Variants in NBEA observed in about 807,000 individuals in gnomAD.
NBEA encodes the protein neurobeachin.
Under a neutral mutation model 343.4 loss-of-function variants are expected in NBEA, and 44 were observed. The ratio of observed to expected loss-of-function variants is 0.13; its 90% CI spans 0.10 to 0.16. The LOEUF is 0.16. Among genes scored for constraint, NBEA ranks in the 10% least tolerant of loss-of-function variants. The pLI is 1.00. For synonymous variants in NBEA, 1,175 were observed against 1,238.7 expected, an observed-to-expected ratio of 0.95 and a Z score of 1.08; for missense variants, 2,555 against 3,631.3, an observed-to-expected ratio of 0.70 and a Z score of 7.62.
intron 38 of NBEA, among the ~76,000 whole-genome samples, chr13:35,394,356 T>G (rs935084179): frequency 6.6e-6 from 1 of 152,250 alleles, no homozygotes; most frequent in African/African-American, 2.4e-5. Context: ...TTTTCCCTCT[T>G]GCCTTTTTTC....
At chr13:35,012,332 G>C (rs1195144020) in intron 1 of NBEA, among the ~76,000 whole-genome samples, 1 of 152,130 alleles carries the variant, frequency 6.6e-6, no homozygotes, top group Non-Finnish European at 1.5e-5. Flanking sequence ...CTGATAAGGA[G>C]CCCTCTCACA....
chr13:35,651,037 A>G (rs866957306), intron 52 of NBEA, among the ~76,000 whole-genome samples: 1 of 152,226 alleles, frequency 6.6e-6, no homozygotes, highest in Non-Finnish European at 1.5e-5. Flanking sequence ...TAGGCAGCAC[A>G]TATCTTAAGG....
intron 35 of NBEA, among the ~76,000 whole-genome samples, chr13:35,301,409 A>T (rs1367506451): frequency 6.6e-6 from 1 of 150,894 alleles, no homozygotes; most frequent in Admixed American, 6.6e-5. Context: ...TCATTGTTCA[A>T]CTCCCACTTA....
intron 35 of NBEA, among the ~76,000 whole-genome samples, chr13:35,303,275 A>G (rs764226290): frequency 5.9e-5 from 9 of 152,166 alleles, no homozygotes; most frequent in African/African-American, 1.7e-4. Context: ...TAGTAGTATT[A>G]TTTTAAGAGG....
At chr13:35,276,661 A>G (rs1406061705) in intron 34 of NBEA, among the ~76,000 whole-genome samples, 1 of 152,208 alleles carries the variant, frequency 6.6e-6, no homozygotes, top group Non-Finnish European at 1.5e-5. Flanking sequence ...TTGGGAAAAA[A>G]CTAAATTGGG....
In NBEA at chr13:35,109,457, C is replaced by G. The variant is rs561155985; in HGVS notation, c.1833+15C>G. 5.1e-6 allele frequency: 8 copies of G among 1,582,736 alleles called. No individual in the cohort carries two copies. In the African/African-American group the frequency reaches 6.8e-5, roughly 13 times the overall value. ...CACCTGCAAAGGTATGAATTTTATA[C>G]TTATTCAGTTTGATTTAGTGTAATG... On this transcript the variant is annotated intron_variant, in intron 12 of 58. Coordinates refer to ENST00000379939, the MANE Select transcript of NBEA (RefSeq NM_001385012.1).
intron 51 of NBEA, among the ~76,000 whole-genome samples, chr13:35,649,158 G>A (rs997978242): frequency 3.9e-5 from 6 of 152,164 alleles, no homozygotes; most frequent in Admixed American, 6.5e-5. Flanking sequence ...GGAAGCGCTC[G>A]GCTGCTTTAT....
At chr13:35,063,729 G>A (rs1422572347) in intron 8 of NBEA, among the ~76,000 whole-genome samples, 2 of 151,948 alleles carry the variant, frequency 1.3e-5, no homozygotes, top group African/African-American at 2.4e-5. Flanking sequence ...ACTAGTTAGG[G>A]GGCTGTTGCA....
chr13:35,238,855 G>A (rs1194387464), intron 34 of NBEA, among the ~76,000 whole-genome samples: 3 of 152,012 alleles, frequency 2.0e-5, no homozygotes, highest in Admixed American at 2.0e-4. Context: ...TTTTTTAAAA[G>A]TATATAAATA....
At chr13:35,638,460 A>G (rs1480816659) in intron 49 of NBEA, among the ~76,000 whole-genome samples, 1 of 152,172 alleles carries the variant, frequency 6.6e-6, no homozygotes, top group Non-Finnish European at 1.5e-5. Context: ...CTGGCCAGGC[A>G]CTGCCAAAAC....
In NBEA at chr13:35,109,336, C is replaced by A. The variant is rs1420246722; in HGVS notation, c.1727C>A (p.Ser576Tyr). ...ITRAVLEQFLSFAKYLDGLSH... is the reference protein window; with the variant it reads ...ITRAVLEQFLYFAKYLDGLSH... ...AGAGCTGTCCTGGAGCAATTTTTATCTTTTGCAAAATACCTTGATGGTTTA... is the reference window on the plus strand; with the variant it reads ...AGAGCTGTCCTGGAGCAATTTTTATATTTTGCAAAATACCTTGATGGTTTA... Residue 576 changes from serine to tyrosine, a missense_variant, in exon 12 of 59, where the codon TCT becomes TAT. Ser to Tyr is a moderately radical substitution (Grantham distance 144). Coordinates refer to ENST00000379939, the MANE Select transcript of NBEA (RefSeq NM_001385012.1). The A allele has an allele frequency of 1.4e-5, 22 of 1,612,088 alleles. No homozygotes were observed. Among genetic ancestry groups the A allele is most frequent in the Non-Finnish European group, 1.6e-5 (19 of 1,178,948 alleles).
intron 36 of NBEA, among the ~76,000 whole-genome samples, chr13:35,323,169 T>G (rs920364011): frequency 6.6e-6 from 1 of 152,166 alleles, no homozygotes; most frequent in Non-Finnish European, 1.5e-5. Context: ...TTTTTAACCA[T>G]GTTTAAAATA....
chr13:35,171,872 A>G lies in NBEA; in HGVS notation c.4423+420A>G, dbSNP rs74048929. Among the ~76,000 whole-genome samples, 340 of 152,152 alleles carry G rather than the reference A, an allele frequency of 2.2e-3. 1 individual carries two copies. Among genetic ancestry groups the G allele is most frequent in the African/African-American group, 7.9e-3 (329 of 41,554 alleles). ...TAGAAGGTTAAAATAAACTATCCCA[A>G]TCTTACTGTTTCTTGGGGTGAACAA... On this transcript the variant is annotated intron_variant, in intron 26 of 58. Transcript: ENST00000379939.
chr13:35,451,984 T>C (rs2046335052), intron 39 of NBEA, 108 bp from the exon 40 acceptor site: 1 of 793,530 alleles, frequency 1.3e-6, no homozygotes, highest in Non-Finnish European at 2.0e-6. Context: ...TGTAAAGTAA[T>C]ATGTAAATGC....
At chr13:35,214,298 C>CTTAA (rs2073948024) in intron 33 of NBEA, among the ~76,000 whole-genome samples, 2 of 151,892 alleles carry the variant, frequency 1.3e-5, no homozygotes, top group Admixed American at 6.6e-5. Flanking sequence ...TAAGTGTATG[C>CTTAA]TTAACCATTT....
intron 17 of NBEA, among the ~76,000 whole-genome samples, chr13:35,140,577 C>T (rs1333312388): frequency 6.6e-6 from 1 of 152,046 alleles, no homozygotes; most frequent in Non-Finnish European, 1.5e-5. Context: ...AGCTGCAGAA[C>T]AGATGCCCTA....
At chr13:35,275,238 C>G (rs531975738) in intron 34 of NBEA, among the ~76,000 whole-genome samples, 6 of 152,070 alleles carry the variant, frequency 3.9e-5, no homozygotes, top group Admixed American at 1.3e-4. Context: ...ACAAACCTGA[C>G]AAAAACAAGC....
chr13:35,049,064 G>A (rs1406644533), intron 5 of NBEA, among the ~76,000 whole-genome samples: 1 of 151,686 alleles, frequency 6.6e-6, no homozygotes, highest in African/African-American at 2.4e-5. Flanking sequence ...TTTGTTCTAT[G>A]AGCATAACTG....
chr13:35,536,057 A>G (rs1566282668), intron 41 of NBEA, among the ~76,000 whole-genome samples: 1 of 152,244 alleles, frequency 6.6e-6, no homozygotes, highest in East Asian at 1.9e-4. Flanking sequence ...AGAGAAAGAA[A>G]AATAAATTCT....
Sources: allele counts gnomAD v4.1 joint callset (sites outside exome capture counted in the v4.1 genomes callset), GRCh38; gene constraint gnomAD v4.1.1; transcripts MANE v1.5; gene names NCBI Gene and HGNC (gene_info 2026-07-23, HGNC 2026-07-21).